Variants in ARFGEF2 observed in about 807,000 individuals in gnomAD.
ARFGEF2 encodes ARF guanine nucleotide exchange factor 2.
A neutral mutation model predicts 219.9 loss-of-function variants in ARFGEF2; 74 were observed. That is an observed-to-expected ratio of 0.34 (90% CI 0.28 to 0.41). The LOEUF (loss-of-function observed/expected upper bound fraction) is 0.41. Among genes scored for constraint, ARFGEF2 ranks in the 10% least tolerant of loss-of-function variants. ARFGEF2 has a pLI of 1.00. For synonymous variants in ARFGEF2, 733 were observed against 799.2 expected, an observed-to-expected ratio of 0.92 and a Z score of 1.40; for missense variants, 1,743 against 2,218.3, an observed-to-expected ratio of 0.79 and a Z score of 4.30.
chr20:48,977,413 T>C (rs2091268697), intron 14 of ARFGEF2, among the ~76,000 whole-genome samples: 1 of 152,230 alleles, frequency 6.6e-6, no homozygotes, highest in Non-Finnish European at 1.5e-5. Flanking sequence ...TTTTTGCTAC[T>C]GTGAATAGTG....
At chr20:48,969,092 C>T in intron 8 of ARFGEF2, 55 bp from the exon 9 acceptor site, 1 of 1,593,214 alleles carries the variant, frequency 6.3e-7, no homozygotes, top group Non-Finnish European at 8.6e-7. Context: ...TCTGGAGTAG[C>T]TGGGACTACA....
At chr20:48,949,701 G>A (rs1378519749) in intron 3 of ARFGEF2, among the ~76,000 whole-genome samples, 3 of 152,154 alleles carry the variant, frequency 2.0e-5, no homozygotes, top group East Asian at 1.9e-4. Context: ...AAACGGTGTC[G>A]GACCTTTGCA....
At position 49,010,287 on chromosome 20, in the gene ARFGEF2, C is replaced by G; in HGVS notation, c.3640C>G (p.Gln1214Glu). Residue 1214 changes from glutamine to glutamate, a missense_variant, in exon 27 of 39, where the codon CAG (glutamine) becomes GAG (glutamate). Physicochemically the swap from Gln to Glu is conservative, Grantham distance 29 (BLOSUM62 2). This residue lies in a region of ARFGEF2 where 102 missense variants were observed against 146.8 expected (regional missense o/e 0.69). Transcript: ENST00000371917. ...IRCIAQMVNS[Q>E]AANIRSGWKN... is the part of the protein sequence containing the mutation. ...CTGCATTGCCCAGATGGTGAACTCC[C>G]AGGCGGCCAACATCCGCTCAGGTTG... 1 of 1,614,168 alleles carries G rather than the reference C, an allele frequency of 6.2e-7. No individual in the cohort carries two copies. The highest frequency in any genetic ancestry group is 8.5e-7 in the Non-Finnish European group (1 of 1,179,976).
At chr20:49,010,496 C>G in intron 27 of ARFGEF2, 92 bp downstream of exon 27, 1 of 1,450,536 alleles carries the variant, frequency 6.9e-7, no homozygotes, top group Non-Finnish European at 9.5e-7. Flanking sequence ...CAGGGGCTTC[C>G]CTACCTTGGC....
rs1600636596 is a variant in ARFGEF2, at chr20:48,988,448, A to G, written c.2362-43A>G. ...CTAAATAAGTGGCTTTACTTGGGCA[A>G]TTGGATGTTTTTTAAATGGTTTTTA... On this transcript the variant is annotated intron_variant, in intron 17 of 38. Coordinates refer to ENST00000371917, the MANE Select transcript of ARFGEF2 (RefSeq NM_006420.3). 2.5e-6 allele frequency: 4 copies of G among 1,610,706 alleles called. No homozygotes were observed. In the South Asian group the frequency reaches 3.3e-5, roughly 13 times the overall value.
At chr20:48,958,629 A>G (rs899273794) in intron 6 of ARFGEF2, among the ~76,000 whole-genome samples, 8 of 151,348 alleles carry the variant, frequency 5.3e-5, no homozygotes, top group Non-Finnish European at 8.8e-5. Context: ...TTTTTAGTAG[A>G]GATGGTGTTT....
intron 14 of ARFGEF2, among the ~76,000 whole-genome samples, chr20:48,984,281 G>A (rs4810904): frequency 0.24 from 37,130 of 151,994 alleles, 5,199 homozygotes; most frequent in East Asian, 0.47. Flanking sequence ...ATTCTGGAGA[G>A]GAGGAGGGAA....
At chr20:48,973,432 C>T (rs972622006) in intron 12 of ARFGEF2, 148 bp downstream of exon 12, 13 of 891,484 alleles carry the variant, frequency 1.5e-5, no homozygotes, top group East Asian at 2.7e-5. Context: ...CATCATGAAA[C>T]GACATTAAAG....
rs377211648 is a variant in ARFGEF2, at chr20:49,013,837, C to T, written c.4056C>T (p.Leu1352=). 1.9e-6 allele frequency: 3 copies of T among 1,614,150 alleles called. No homozygotes were observed. Among genetic ancestry groups the T allele is most frequent in the Non-Finnish European group, 1.7e-6 (2 of 1,180,016 alleles). Residue 1352 remains leucine, a synonymous_variant, in exon 30 of 39, where the codon CTC becomes CTT. Coordinates refer to ENST00000371917, the MANE Select transcript of ARFGEF2 (RefSeq NM_006420.3). ...RCKLDVRTRG[L]TVMFEIMKSY... is the part of the protein sequence containing the mutation. ...CTGACTTTGTTTCCTCCAGGGGACT[C>T]ACAGTCATGTTTGAGATCATGAAGA...
In ARFGEF2 at chr20:48,921,953, A is replaced by G; in HGVS notation, c.64A>G (p.Lys22Glu). The change falls in exon 1 of 39, where the codon AAG becomes GAG. Residue 22 changes from lysine (K) to glutamate (E), a missense_variant. By Grantham distance (56) the Lys-to-Glu change is moderately conservative. Around this residue, in one of 5 missense-constraint regions of ARFGEF2, gnomAD observed 394 missense variants for 426.6 expected, o/e 0.92. Coordinates refer to ENST00000371917, the MANE Select transcript of ARFGEF2 (RefSeq NM_006420.3). ...SRALEKILAD[K>E]EVKRPQHSQL... is the part of the protein sequence containing the mutation. ...GGCCCTGGAGAAGATCCTAGCCGAC[A>G]AGGAGGTGAAGCGGCCCCAGCACTC... 6.4e-7 allele frequency: 1 copy of G among 1,573,044 alleles called. No individual in the cohort carries two copies. Among genetic ancestry groups the G allele is most frequent in the Non-Finnish European group, 8.6e-7 (1 of 1,159,534 alleles).
chr20:48,989,121 C>CA (rs1399346537), intron 18 of ARFGEF2, among the ~76,000 whole-genome samples, 164 bp from the exon 19 acceptor site: 1 of 152,160 alleles, frequency 6.6e-6, no homozygotes, highest in Non-Finnish European at 1.5e-5. Flanking sequence ...CCCTCTGCCT[C>CA]ATTTTTCCCA....
chr20:49,025,180 G>A (rs367579955), intron 35 of ARFGEF2, 133 bp from the exon 36 acceptor site: 2 of 903,994 alleles, frequency 2.2e-6, no homozygotes, highest in Non-Finnish European at 1.8e-6. Context: ...ATGTTTCAGG[G>A]TGTTGGGGAA....
At chr20:48,987,205 A>T (rs1264965664) in intron 16 of ARFGEF2, among the ~76,000 whole-genome samples, 1 of 152,210 alleles carries the variant, frequency 6.6e-6, no homozygotes, top group Non-Finnish European at 1.5e-5. Flanking sequence ...CGTATCTCCT[A>T]TGTGGACCTG....
chr20:49,019,874 C>T (rs1259896058), intron 34 of ARFGEF2, among the ~76,000 whole-genome samples: 2 of 152,108 alleles, frequency 1.3e-5, no homozygotes, highest in African/African-American at 4.8e-5. Flanking sequence ...TACTAGAAAT[C>T]CTTTTTCTGA....
At chr20:48,923,895 A>G (rs1016491086) in intron 1 of ARFGEF2, among the ~76,000 whole-genome samples, 3 of 152,220 alleles carry the variant, frequency 2.0e-5, no homozygotes, top group African/African-American at 7.2e-5. Flanking sequence ...CAGAAGTTCA[A>G]GTTTTCCTAA....
intron 14 of ARFGEF2, among the ~76,000 whole-genome samples, chr20:48,977,516 G>C (rs532209206): frequency 6.6e-6 from 1 of 152,176 alleles, no homozygotes; most frequent in Non-Finnish European, 1.5e-5. Context: ...TGAGTCAAAT[G>C]CTATTTCTAG....
At chr20:48,964,005 G>A (rs552229581) in intron 7 of ARFGEF2, 107 bp downstream of exon 7, 245 of 1,015,012 alleles carry the variant, frequency 2.4e-4, no homozygotes, top group Middle Eastern at 4.1e-4. Flanking sequence ...CTAAGAACTG[G>A]TGGAGCTCAT....
chr20:48,984,918 T>C, intron 15 of ARFGEF2, 78 bp downstream of exon 15: 1 of 1,606,082 alleles, frequency 6.2e-7, no homozygotes, highest in Non-Finnish European at 8.5e-7. Flanking sequence ...AACCTCGAGA[T>C]TGTCTGGCCC....
intron 14 of ARFGEF2, among the ~76,000 whole-genome samples, chr20:48,982,670 C>T (rs1361654786): frequency 1.3e-5 from 2 of 152,184 alleles, no homozygotes; most frequent in African/African-American, 4.8e-5. Context: ...GCTTCACCAG[C>T]ACTTTGTTTA....
Sources: gnomAD v4.1 joint callset for allele counts (sites outside exome capture counted in the v4.1 genomes callset) on GRCh38, gnomAD v4.1.1 for gene constraint, gnomAD v4.1.1 regional missense constraint, MANE v1.5 for transcripts, NCBI Gene and HGNC (gene_info 2026-07-23, HGNC 2026-07-21) for gene names.